The following NHSL1 variants were observed in gnomAD, a reference collection of about 807,000 sequenced individuals.
NHSL1 encodes NHS-like protein 1.
A neutral mutation model predicts 95.0 loss-of-function variants in NHSL1; 48 were observed. The observed-to-expected ratio is 0.51, with a 90% CI of 0.40 to 0.64. The LOEUF (loss-of-function observed/expected upper bound fraction) is 0.64, where lower values mean the gene tolerates loss of function less well. NHSL1 is among the 30% of genes least tolerant of loss of function. The pLI is 0.00. For synonymous variants in NHSL1, 783 were observed against 833.9 expected, an observed-to-expected ratio of 0.94 and a Z score of 1.05; for missense variants, 1,971 against 2,077.7, an observed-to-expected ratio of 0.95 and a Z score of 1.00.
chr6:138,513,755 A>C (rs1392069318), intron 1 of NHSL1, among the ~76,000 whole-genome samples: 1 of 149,362 alleles, frequency 6.7e-6, no homozygotes, highest in Non-Finnish European at 1.5e-5. Flanking sequence ...CTCTATTTAG[A>C]CCTCCCATTG....
At chr6:138,646,020 A>G (rs1039767540) in intron 1 of NHSL1, among the ~76,000 whole-genome samples, 1 of 152,354 alleles carries the variant, frequency 6.6e-6, no homozygotes. Context: ...CAGGTGGGAG[A>G]AAAACTTAAA....
chr6:138,675,300 T>C (rs746775988), intron 1 of NHSL1, among the ~76,000 whole-genome samples: 1 of 151,940 alleles, frequency 6.6e-6, no homozygotes, highest in Non-Finnish European at 1.5e-5. Flanking sequence ...ACCCTAAAGC[T>C]ATCTGCTGCT....
At chr6:138,609,473 G>A (rs144231119) in intron 1 of NHSL1, among the ~76,000 whole-genome samples, 396 of 152,134 alleles carry the variant, frequency 2.6e-3, no homozygotes, top group African/African-American at 9.2e-3. Context: ...CTATCCGGCC[G>A]GGCGCGGTGG....
intron 1 of NHSL1, among the ~76,000 whole-genome samples, chr6:138,627,668 G>A (rs1419925636): frequency 6.6e-6 from 1 of 152,040 alleles, no homozygotes; most frequent in Non-Finnish European, 1.5e-5. Context: ...TGGATCACGA[G>A]GTCAGGAGTT....
chr6:138,570,936 GTC>G (rs1318282559), intron 1 of NHSL1, among the ~76,000 whole-genome samples: 3 of 152,120 alleles, frequency 2.0e-5, no homozygotes, highest in African/African-American at 7.2e-5. Context: ...TAACAATTCA[GTC>G]CCTACACACA....
chr6:138,637,495 A>G (rs886958429), intron 1 of NHSL1, among the ~76,000 whole-genome samples: 1 of 152,344 alleles, frequency 6.6e-6, no homozygotes, highest in Non-Finnish European at 1.5e-5. Context: ...CAAACTATCA[A>G]TCTGACAAGT....
At chr6:138,630,118 G>C (rs923808043) in intron 1 of NHSL1, among the ~76,000 whole-genome samples, 2 of 152,082 alleles carry the variant, frequency 1.3e-5, no homozygotes, top group South Asian at 4.1e-4. Context: ...GGGAGGCTGA[G>C]GTGGGAGGAT....
intron 1 of NHSL1, among the ~76,000 whole-genome samples, chr6:138,520,695 G>C (rs1781642895): frequency 6.6e-6 from 1 of 152,170 alleles, no homozygotes; most frequent in East Asian, 1.9e-4. Flanking sequence ...TTTTACCACA[G>C]ATACTGCCTA....
chr6:138,673,031 GTAGATAGATAGATAGATAGA>G (rs113615261), intron 1 of NHSL1, among the ~76,000 whole-genome samples: 8 of 148,058 alleles, frequency 5.4e-5, no homozygotes, highest in African/African-American at 2.1e-4. Flanking sequence ...AGATAGATAG[GTAGATAGATAGATAGATAGA>G]TAGATAGATA....
chr6:138,605,838 T>C (rs1784426264), intron 1 of NHSL1, among the ~76,000 whole-genome samples: 1 of 152,170 alleles, frequency 6.6e-6, no homozygotes, highest in Non-Finnish European at 1.5e-5. Context: ...CCAGGTCTCT[T>C]GAATAGCTAT....
At chr6:138,586,773 G>T (rs1784141430) in intron 1 of NHSL1, among the ~76,000 whole-genome samples, 8 of 152,170 alleles carry the variant, frequency 5.3e-5, no homozygotes, top group Admixed American at 4.6e-4. Flanking sequence ...GCCAAGCACA[G>T]GGCTTGGGAC....
chr6:138,459,405 T>C (rs184608831), intron 3 of NHSL1, among the ~76,000 whole-genome samples: 39 of 152,362 alleles, frequency 2.6e-4, no homozygotes, highest in South Asian at 2.1e-4. Flanking sequence ...TAATTTGACT[T>C]TGTAGATATG....
chr6:138,462,193 G>T lies in NHSL1; in HGVS notation c.339+11113C>A, dbSNP rs534151369. Among the ~76,000 whole-genome samples the T allele has an allele frequency of 4.6e-5, 7 of 152,282 alleles. No homozygotes were observed. The East Asian group carries it at 1.3e-3, about 29-fold the overall frequency. ...ACTAGGTAGTTTATAAAGAGTAGAG[G>T]TTTATTTAGCTTATGGTTTCACAGG... On this transcript the variant is annotated intron_variant, in intron 3 of 7. Coordinates refer to ENST00000343505, the MANE Select transcript of NHSL1 (RefSeq NM_001144060.2).
intron 1 of NHSL1, among the ~76,000 whole-genome samples, chr6:138,667,738 A>T (rs1166371979): frequency 6.6e-6 from 1 of 152,222 alleles, no homozygotes; most frequent in East Asian, 1.9e-4. Context: ...TATTTTGTTC[A>T]TTATCTTCTC....
At chr6:138,473,677 A>ACCAT (rs1778894211) in intron 2 of NHSL1, among the ~76,000 whole-genome samples, 1 of 152,130 alleles carries the variant, frequency 6.6e-6, no homozygotes, top group Non-Finnish European at 1.5e-5. Context: ...AGAGATCACA[A>ACCAT]CCATCCTGTG....
chr6:138,463,101 T>C (rs1157070052), intron 3 of NHSL1, among the ~76,000 whole-genome samples: 1 of 152,076 alleles, frequency 6.6e-6, no homozygotes, highest in African/African-American at 2.4e-5. Flanking sequence ...GGATTCACTT[T>C]CCAAATAAAC....
intron 1 of NHSL1, 126 bp downstream of exon 1, chr6:138,499,107 G>C (rs1355616502): frequency 1.2e-5 from 8 of 650,230 alleles, no homozygotes; most frequent in Non-Finnish European, 2.1e-5. Flanking sequence ...TCACACAAAA[G>C]AACGAAGGAC....
chr6:138,458,753 G>T (rs947108475), intron 3 of NHSL1, among the ~76,000 whole-genome samples: 1 of 151,312 alleles, frequency 6.6e-6, no homozygotes, highest in Non-Finnish European at 1.5e-5. Flanking sequence ...TTGAACCTGG[G>T]AGGTAGAGGT....
chr6:138,476,805 C>T (rs1238145111), intron 2 of NHSL1, among the ~76,000 whole-genome samples: 4 of 151,612 alleles, frequency 2.6e-5, no homozygotes, highest in African/African-American at 9.7e-5. Context: ...CCAGTCTGGG[C>T]AACAAGAGCG....
Sources: allele counts gnomAD v4.1 joint callset (sites outside exome capture counted in the v4.1 genomes callset), GRCh38; gene constraint gnomAD v4.1.1; transcripts MANE v1.5; gene names NCBI Gene and HGNC (gene_info 2026-07-23, HGNC 2026-07-21).